TRIM24: variants seen among roughly 807,000 people sequenced by gnomAD.
The protein encoded by TRIM24 is transcription intermediary factor 1-alpha.
In TRIM24, 29 loss-of-function variants were observed where a neutral mutation model predicts 123.9. That is an observed-to-expected ratio of 0.23 (90% CI 0.17 to 0.32). The LOEUF (loss-of-function observed/expected upper bound fraction) is 0.32, where lower values mean the gene tolerates loss of function less well. Among genes scored for constraint, TRIM24 ranks in the 10% least tolerant of loss-of-function variants. The pLI, the probability that TRIM24 is intolerant of heterozygous loss-of-function variation, is 1.00. For missense variants in TRIM24, 932 were observed against 1,295.3 expected (o/e 0.72, Z 4.31); for synonymous variants, 456 against 461.1 (o/e 0.99, Z 0.14).
At position 138,567,574 on chromosome 7, in the gene TRIM24, C is replaced by G; in HGVS notation, c.1624C>G (p.Pro542Ala). The part of the protein sequence containing the change: ...PPHPQQLRYP[P>A]NQNIPRQAIK... ...TCATCCTCAACAACTGAGATATCCA[C>G]CAAACCAGAACATACCACGACAAGC... Residue 542 changes from proline to alanine, a missense_variant, in exon 10 of 19, where the codon CCA (proline) becomes GCA (alanine). This residue lies in a region of TRIM24 where 527 missense variants were observed against 691.3 expected (regional missense o/e 0.76). Coordinates refer to ENST00000343526, the MANE Select transcript of TRIM24 (RefSeq NM_015905.3). 1 of 1,614,024 alleles carries G rather than the reference C, an allele frequency of 6.2e-7. No homozygotes were observed. The highest frequency in any genetic ancestry group is 1.3e-5 in the African/African-American group (1 of 75,030).
Position 138,584,856 on chromosome 7 carries a change from G to A in TRIM24, c.3058G>A (p.Glu1020Lys). The A allele has an allele frequency of 1.9e-6, 3 of 1,613,764 alleles. No homozygotes were observed. Among genetic ancestry groups the A allele is most frequent in the Non-Finnish European group, 2.5e-6 (3 of 1,179,812 alleles). Residue 1020 changes from glutamate to lysine, a missense_variant, in exon 19 of 19, where the codon GAA (glutamate) becomes AAA (lysine). Transcript: ENST00000343526. ...FPKPEFRNES[E>K]DNKFSDDSDD... is the part of the protein sequence containing the mutation. ...CAAACCAGAATTCAGGAATGAATCA[G>A]AAGATAATAAATTTAGTGATGATTC...
rs1798042989 is a variant in TRIM24 at position 138,587,657 on chromosome 7, G to A, written c.*2706G>A. The A allele has an allele frequency of 6.6e-6, 1 of 152,098 alleles. No individual in the cohort carries two copies. Among genetic ancestry groups the A allele is most frequent in the Admixed American group, 6.6e-5 (1 of 15,262 alleles). The allele number at this position is 152,098 out of a possible 1,614,324, so 9.4% of individuals were successfully genotyped here. On this transcript the variant is annotated 3_prime_UTR_variant, in exon 19 of 19. Coordinates refer to ENST00000343526, the MANE Select transcript of TRIM24 (RefSeq NM_015905.3). ...GATTTCCCTCTGGATTTGGGATCAG[G>A]AGCCCAGTAGGGCCCCATTGCTGAA...
intron 2 of TRIM24, 117 bp from the exon 3 acceptor site, chr7:138,515,095 C>G: frequency 9.8e-7 from 1 of 1,016,604 alleles, no homozygotes; most frequent in Non-Finnish European, 1.4e-6. Flanking sequence ...TTTCCCAACA[C>G]CATTAGGAGG....
In TRIM24 at chr7:138,494,038, A is replaced by G. The variant is rs531155296; in HGVS notation, c.365-10252A>G. On this transcript the variant is annotated intron_variant, in intron 1 of 18. Coordinates refer to ENST00000343526, the MANE Select transcript of TRIM24 (RefSeq NM_015905.3). The stretch of plus-strand genomic sequence containing the variant: ...CTCTTATTGCCCAGGCTGGAGTGCA[A>G]TGGCGCGATCTCAGCTCACTGGAAC... Among the ~76,000 whole-genome samples the G allele has an allele frequency of 1.8e-3, 267 of 152,036 alleles. 1 individual carries two copies. Among genetic ancestry groups the G allele is most frequent in the African/African-American group, 6.2e-3 (256 of 41,466 alleles).
intron 5 of TRIM24, among the ~76,000 whole-genome samples, chr7:138,526,161 T>C (rs2116578355): frequency 6.6e-6 from 1 of 152,322 alleles, no homozygotes; most frequent in East Asian, 1.9e-4. Context: ...AGAATTTAAA[T>C]GTTTTTCTAT....
chr7:138,558,380 A>AT (rs1797359651), intron 9 of TRIM24, among the ~76,000 whole-genome samples: 1 of 152,076 alleles, frequency 6.6e-6, no homozygotes, highest in South Asian at 2.1e-4. Context: ...GATAATAGAG[A>AT]TTTTTTAAGG....
chr7:138,536,571 C>T (rs1796878815), intron 6 of TRIM24, among the ~76,000 whole-genome samples: 1 of 152,356 alleles, frequency 6.6e-6, no homozygotes, highest in African/African-American at 2.4e-5. Flanking sequence ...GATCGTTCCT[C>T]TGGAAGCTTT....
At chr7:138,568,870 A>C (rs1797594025) in intron 10 of TRIM24, among the ~76,000 whole-genome samples, 1 of 152,190 alleles carries the variant, frequency 6.6e-6, no homozygotes, top group South Asian at 2.1e-4. Flanking sequence ...TAATTCTATA[A>C]CATCCATTTT....
intron 1 of TRIM24, among the ~76,000 whole-genome samples, chr7:138,484,882 T>G (rs1399757822): frequency 6.6e-6 from 1 of 152,166 alleles, no homozygotes; most frequent in African/African-American, 2.4e-5. Flanking sequence ...TCTATAGGAC[T>G]CTATTCTACT....
chr7:138,477,802 G>A lies in TRIM24; in HGVS notation c.364+16890G>A, dbSNP rs902595082. ...GAAAGCTCCAGGATGGCAGCTTGCAGCAGGCTTGAAAAGGTTTGGAGCTGG... is the reference window on the plus strand; with the variant it reads ...GAAAGCTCCAGGATGGCAGCTTGCAACAGGCTTGAAAAGGTTTGGAGCTGG... On this transcript the variant is annotated intron_variant, in intron 1 of 18. Coordinates refer to ENST00000343526, the MANE Select transcript of TRIM24 (RefSeq NM_015905.3). Among the ~76,000 whole-genome samples, 7 of 152,118 alleles carry A rather than the reference G, an allele frequency of 4.6e-5. No homozygotes were observed. In the South Asian group the frequency reaches 1.4e-3, roughly 31 times the overall value.
At position 138,516,814 on chromosome 7, in the gene TRIM24, T is replaced by G. The variant is rs531524582; in HGVS notation, c.631+1455T>G. 6.4e-3 allele frequency among the ~76,000 whole-genome samples: 335 copies of G among 52,398 alleles called. 1 individual carries two copies. Among genetic ancestry groups the G allele is most frequent in the African/African-American group, 0.015 (310 of 20,908 alleles). 34.4% of individuals were successfully genotyped at this position (52,398 alleles called of 152,430 possible). A position where few individuals can be genotyped will look rare whatever the true frequency, so the allele number is the denominator to read the frequency against. The stretch of plus-strand genomic sequence containing the variant: ...ATCAAAATGTAGCAAAACCGTTTTG[T>G]TTTTTTTTTTTTTTTGAGACTAGTG... On this transcript the variant is annotated intron_variant, in intron 3 of 18. Coordinates refer to ENST00000343526, the MANE Select transcript of TRIM24 (RefSeq NM_015905.3).
chr7:138,516,605 T>G (rs1317354328), intron 3 of TRIM24, among the ~76,000 whole-genome samples: 1 of 152,154 alleles, frequency 6.6e-6, no homozygotes, highest in Non-Finnish European at 1.5e-5. Context: ...TCCGCCAGCC[T>G]TGGCCTCCCA....
At chr7:138,483,791 C>T (rs1584691634) in intron 1 of TRIM24, among the ~76,000 whole-genome samples, 1 of 152,202 alleles carries the variant, frequency 6.6e-6, no homozygotes, top group African/African-American at 2.4e-5. Flanking sequence ...GTGGGGTGCC[C>T]CTGGTTCCCA....
chr7:138,519,362 C>G, intron 4 of TRIM24, 41 bp downstream of exon 4: 1 of 1,548,324 alleles, frequency 6.5e-7, no homozygotes. Flanking sequence ...TCATATGCAG[C>G]TTTAGAGGAC....
chr7:138,531,248 G>A (rs1796732687), intron 6 of TRIM24, among the ~76,000 whole-genome samples: 1 of 151,594 alleles, frequency 6.6e-6, no homozygotes, highest in Non-Finnish European at 1.5e-5. Flanking sequence ...CACGTTACAT[G>A]TTACATATGT....
intron 4 of TRIM24, among the ~76,000 whole-genome samples, chr7:138,522,726 T>G (rs1796529295): frequency 6.6e-6 from 1 of 152,072 alleles, no homozygotes; most frequent in South Asian, 2.1e-4. Flanking sequence ...TATTAAGGGG[T>G]TGAAGGGCTA....
intron 15 of TRIM24, among the ~76,000 whole-genome samples, 155 bp downstream of exon 15, chr7:138,579,687 C>T (rs187490251): frequency 1.1e-3 from 174 of 152,280 alleles, no homozygotes; most frequent in African/African-American, 3.9e-3. Flanking sequence ...CATACCCTTC[C>T]GCTTATTCTT....
chr7:138,558,334 A>G (rs1402215794), intron 9 of TRIM24, among the ~76,000 whole-genome samples: 2 of 152,210 alleles, frequency 1.3e-5, no homozygotes, highest in African/African-American at 4.8e-5. Context: ...CCCAGTTGGT[A>G]AAGGCCTTTC....
At chr7:138,567,679 A>G (rs755823770) in intron 10 of TRIM24, 25 bp downstream of exon 10, 23 of 1,537,554 alleles carry the variant, frequency 1.5e-5, no homozygotes, top group Middle Eastern at 1.7e-4. Flanking sequence ...TCTTTTCTCA[A>G]TTGCTTTTTC....
Sources: gnomAD v4.1 joint callset for allele counts (sites outside exome capture counted in the v4.1 genomes callset) on GRCh38, gnomAD v4.1.1 for gene constraint, gnomAD v4.1.1 regional missense constraint, MANE v1.5 for transcripts, NCBI Gene and HGNC (gene_info 2026-07-23, HGNC 2026-07-21) for gene names.